HSPA4: variants seen among roughly 807,000 people sequenced by gnomAD.
HSPA4 encodes heat shock 70 kDa protein 4.
HSPA4 carries 25 observed loss-of-function variants against 106.2 expected under a neutral mutation model. The observed-to-expected ratio is 0.24, with a 90% CI of 0.17 to 0.33. The LOEUF is 0.33. HSPA4 is among the 10% of genes least tolerant of loss of function. HSPA4 has a pLI of 1.00. For synonymous variants in HSPA4, 332 were observed against 333.6 expected, an observed-to-expected ratio of 1.00 and a Z score of 0.05; for missense variants, 841 against 996.0, an observed-to-expected ratio of 0.84 and a Z score of 2.10.
intron 4 of HSPA4, among the ~76,000 whole-genome samples, chr5:133,072,574 T>G (rs1474718647): frequency 6.6e-6 from 1 of 150,476 alleles, no homozygotes; most frequent in East Asian, 1.9e-4. Flanking sequence ...TTTTTTTTTT[T>G]TTTTGTATTT....
In HSPA4 at chr5:133,089,683, G is replaced by C; in HGVS notation, c.1366G>C (p.Asp456His). ...YSSPQDLPYP[D>H]PAIAQFSVQK... ...CTCTCCTCAGGATTTGCCCTATCCA[G>C]ATCCTGCTATAGGTAAGTAAAGAGT... The change falls in exon 11 of 19, where the codon GAT becomes CAT. Residue 456 changes from aspartate (D) to histidine (H), a missense_variant. Asp to His is a moderately conservative substitution (Grantham distance 81, BLOSUM62 -1). Transcript: ENST00000304858. The C allele has an allele frequency of 6.3e-7, 1 of 1,580,380 alleles. No individual in the cohort carries two copies. The highest frequency in any genetic ancestry group is 1.4e-5 in the African/African-American group (1 of 72,924).
rs1183353583 is a variant in HSPA4, at chr5:133,106,091, A to T, written c.*1655A>T. On this transcript the variant is annotated 3_prime_UTR_variant, in exon 19 of 19. Transcript: ENST00000304858. ...AGACCGTAATGGCCATTTCTTCTTA[A>T]AAAAAAAAAAATTTTTTTTTTTTTT... The T allele has an allele frequency of 9.9e-6, 1 of 101,368 alleles. No homozygotes were observed. The highest frequency in any genetic ancestry group is 4.4e-5 in the African/African-American group (1 of 22,486). The allele number at this position is 101,368 out of a possible 1,614,324, so 6.3% of individuals were successfully genotyped here.
At chr5:133,085,620 A>G (rs1453439296) in intron 7 of HSPA4, among the ~76,000 whole-genome samples, 1 of 152,018 alleles carries the variant, frequency 6.6e-6, no homozygotes, top group African/African-American at 2.4e-5. Context: ...GGATTGCGCC[A>G]CTGCACTCTA....
At chr5:133,065,172 C>G in intron 2 of HSPA4, 135 bp downstream of exon 2, 2 of 674,836 alleles carry the variant, frequency 3.0e-6, no homozygotes, top group East Asian at 2.7e-5. Flanking sequence ...GACCTCTTCT[C>G]TGTTCCCATG....
chr5:133,075,640 C>G (rs906873360), intron 6 of HSPA4, among the ~76,000 whole-genome samples: 5 of 151,720 alleles, frequency 3.3e-5, no homozygotes, highest in African/African-American at 1.2e-4. Flanking sequence ...ACAGCCTGGG[C>G]AACATGGCAA....
At chr5:133,099,986 A>G (rs1234242078) in intron 16 of HSPA4, among the ~76,000 whole-genome samples, 1 of 152,156 alleles carries the variant, frequency 6.6e-6, no homozygotes, top group African/African-American at 2.4e-5. Flanking sequence ...GTTTCTGTTT[A>G]TGTAGTTTGG....
At chr5:133,060,816 CTTTTTT>C (rs34721359) in intron 1 of HSPA4, among the ~76,000 whole-genome samples, 1 of 95,154 alleles carries the variant, frequency 1.1e-5, no homozygotes, top group African/African-American at 4.1e-5. Flanking sequence ...TGAAACAGGA[CTTTTTT>C]TTTTTTTTTT....
chr5:133,065,273 G>A (rs1765293355), intron 2 of HSPA4, among the ~76,000 whole-genome samples: 1 of 151,984 alleles, frequency 6.6e-6, no homozygotes, highest in South Asian at 2.1e-4. Context: ...ATACAACACT[G>A]GAACAATAAA....
At chr5:133,083,202 C>T (rs1765536124) in intron 7 of HSPA4, among the ~76,000 whole-genome samples, 2 of 150,974 alleles carry the variant, frequency 1.3e-5, no homozygotes, top group Non-Finnish European at 2.9e-5. Flanking sequence ...GTCCCAGCTA[C>T]TCCGGAGGCT....
Position 133,070,480 on chromosome 5 carries a change from T to C in HSPA4, c.413T>C (p.Val138Ala). The C allele has an allele frequency of 6.2e-7, 1 of 1,613,970 alleles. No homozygotes were observed. The highest frequency in any genetic ancestry group is 2.2e-5 in the East Asian group (1 of 44,864). Reference sequence around the variant, plus strand: ...GAAAGTGTTCTTAAGAAGCCTGTAGTTGACTGTGTTGTTTCGGTGAGTTTG... The same window carrying C: ...GAAAGTGTTCTTAAGAAGCCTGTAGCTGACTGTGTTGTTTCGGTGAGTTTG... ...TAESVLKKPVVDCVVSVPCFY... is the reference protein window; with the variant it reads ...TAESVLKKPVADCVVSVPCFY... Residue 138 changes from valine (V) to alanine (A), a missense_variant, in exon 4 of 19, where the codon GTT becomes GCT. Val to Ala is a moderately conservative substitution (Grantham distance 64). Coordinates refer to ENST00000304858, the MANE Select transcript of HSPA4 (RefSeq NM_002154.4).
intron 6 of HSPA4, among the ~76,000 whole-genome samples, chr5:133,076,419 C>T (rs911220816): frequency 4.6e-5 from 7 of 152,170 alleles, no homozygotes; most frequent in African/African-American, 1.7e-4. Context: ...GCTTTGTGAA[C>T]TGCAGTTTAT....
chr5:133,085,371 G>A (rs944658495), intron 7 of HSPA4, among the ~76,000 whole-genome samples: 3 of 151,610 alleles, frequency 2.0e-5, no homozygotes, highest in African/African-American at 7.3e-5. Context: ...CTATGCAGAC[G>A]ACCGGGTGCG....
intron 2 of HSPA4, among the ~76,000 whole-genome samples, chr5:133,065,863 T>C (rs1294168619): frequency 6.6e-6 from 1 of 152,182 alleles, no homozygotes; most frequent in African/African-American, 2.4e-5. Flanking sequence ...GAGATATCTG[T>C]AAAATTAAGG....
At chr5:133,058,506 T>C (rs1765195975) in intron 1 of HSPA4, among the ~76,000 whole-genome samples, 1 of 150,416 alleles carries the variant, frequency 6.6e-6, no homozygotes, top group African/African-American at 2.5e-5. Context: ...GGTGAAACCT[T>C]GTCTCTACTA....
At chr5:133,087,161 T>C (rs959671855) in intron 8 of HSPA4, among the ~76,000 whole-genome samples, 27 of 152,370 alleles carry the variant, frequency 1.8e-4, no homozygotes, top group African/African-American at 6.0e-4. Context: ...GGTAGTCTTA[T>C]AAGCTTTTCT....
chr5:133,084,459 C>T (rs1359739720), intron 7 of HSPA4, among the ~76,000 whole-genome samples: 9 of 152,026 alleles, frequency 5.9e-5, no homozygotes, highest in Non-Finnish European at 1.3e-4. Context: ...CTGGTGGGTG[C>T]ATTCTATACT....
intron 2 of HSPA4, 34 bp from the exon 3 acceptor site, chr5:133,067,383 T>C: frequency 6.4e-7 from 1 of 1,558,034 alleles, no homozygotes; most frequent in Non-Finnish European, 8.7e-7. Flanking sequence ...AAATTAGTAG[T>C]AGTCTTTCCA....
chr5:133,097,337 T>A, intron 15 of HSPA4, 51 bp downstream of exon 15: 1 of 1,554,572 alleles, frequency 6.4e-7, no homozygotes, highest in South Asian at 1.1e-5. Context: ...GTGAACATCT[T>A]TAAGTGGGTT....
chr5:133,063,187 C>G (rs899662360), intron 1 of HSPA4, among the ~76,000 whole-genome samples: 1 of 152,074 alleles, frequency 6.6e-6, no homozygotes, highest in Non-Finnish European at 1.5e-5. Flanking sequence ...GCCTCAGGCT[C>G]CTGGGTTCAG....
Sources: gnomAD v4.1 joint callset for allele counts (sites outside exome capture counted in the v4.1 genomes callset) on GRCh38, gnomAD v4.1.1 for gene constraint, MANE v1.5 for transcripts, NCBI Gene and HGNC (gene_info 2026-07-23, HGNC 2026-07-21) for gene names.